The following CAB39 variants were observed in gnomAD, a reference collection of about 807,000 sequenced individuals.
The protein encoded by CAB39 is calcium-binding protein 39.
A neutral mutation model predicts 40.0 loss-of-function variants in CAB39; 8 were observed. The observed-to-expected ratio is 0.20, with a 90% CI of 0.12 to 0.36. The LOEUF (loss-of-function observed/expected upper bound fraction) is 0.36, where lower values mean the gene tolerates loss of function less well. Ranked by LOEUF, CAB39 falls within the 10% of genes least tolerant of loss-of-function variation. CAB39 has a pLI of 1.00. For synonymous variants in CAB39, 156 were observed against 141.6 expected, an observed-to-expected ratio of 1.10 and a Z score of -0.72; for missense variants, 270 against 401.1, an observed-to-expected ratio of 0.67 and a Z score of 2.79.
rs182573772 is a variant in CAB39, at chr2:230,753,508, A to C, written c.-43-6451A>C. On this transcript the variant is annotated intron_variant, in intron 1 of 8. Transcript: ENST00000258418. ...GGTGGCTCACACCTGTAATCCCAGC[A>C]CTTTGGGAGGCTGAGGTGGGTAGAT... 1.2e-4 allele frequency among the ~76,000 whole-genome samples: 19 copies of C among 152,242 alleles called. No homozygotes were observed. In the East Asian group the frequency reaches 3.7e-3, roughly 29 times the overall value.
intron 5 of CAB39, among the ~76,000 whole-genome samples, chr2:230,805,249 A>G (rs527878770): frequency 7.0e-6 from 1 of 143,198 alleles, no homozygotes; most frequent in Admixed American, 6.9e-5. Flanking sequence ...GGGGCCTGTC[A>G]TGGGGTGGCG....
rs115947770 is a variant in CAB39, at chr2:230,769,398, T to C, written c.114+9283T>C. ...TTCTAGGTAGACCAGAATGGTACTGTCAACCAACTTGACCTGATTGACATT... is the reference window on the plus strand; with the variant it reads ...TTCTAGGTAGACCAGAATGGTACTGCCAACCAACTTGACCTGATTGACATT... On this transcript the variant is annotated intron_variant, in intron 2 of 8. Transcript: ENST00000258418. Among the ~76,000 whole-genome samples, 968 of 152,286 alleles carry C rather than the reference T, an allele frequency of 6.4e-3. 5 individuals carry two copies. Among genetic ancestry groups the C allele is most frequent in the African/African-American group, 0.017 (711 of 41,558 alleles).
intron 1 of CAB39, among the ~76,000 whole-genome samples, chr2:230,748,813 G>GAAAAAAAA (rs759314442): frequency 1.3e-4 from 4 of 31,766 alleles, no homozygotes; most frequent in Admixed American, 5.2e-4. Context: ...TTTCCAAAAA[G>GAAAAAAAA]AAAAAAAAAA....
At chr2:230,737,834 T>C (rs1230190059) in intron 1 of CAB39, among the ~76,000 whole-genome samples, 1 of 152,182 alleles carries the variant, frequency 6.6e-6, no homozygotes, top group Admixed American at 6.5e-5. Flanking sequence ...AAAAGCAAGT[T>C]TTCCAGTTTG....
intron 3 of CAB39, among the ~76,000 whole-genome samples, chr2:230,791,739 G>T (rs1050958121): frequency 6.6e-6 from 1 of 152,192 alleles, no homozygotes; most frequent in Non-Finnish European, 1.5e-5. Context: ...CTCCTGCCCA[G>T]CCCTGGTAGG....
In CAB39 at chr2:230,735,793, G is replaced by A. The variant is rs550853273; in HGVS notation, c.-44+22563G>A. ...GCCTCCCAAAGTGCTGGGATTACAG[G>A]CATGAGCTACCATGCCCAACAACAA... is the stretch of plus-strand genomic sequence containing the variant. On this transcript the variant is annotated intron_variant, in intron 1 of 8. Transcript: ENST00000258418. Among the ~76,000 whole-genome samples the A allele has an allele frequency of 1.1e-4, 16 of 152,244 alleles. No homozygotes were observed. The Middle Eastern group carries it at 0.01, about 97-fold the overall frequency.
At chr2:230,754,255 G>A (rs1695141071) in intron 1 of CAB39, among the ~76,000 whole-genome samples, 1 of 152,134 alleles carries the variant, frequency 6.6e-6, no homozygotes, top group Non-Finnish European at 1.5e-5. Flanking sequence ...CACCCAGGCA[G>A]TATAGACTGT....
At chr2:230,737,497 G>T (rs73995135) in intron 1 of CAB39, among the ~76,000 whole-genome samples, 6,085 of 152,254 alleles carry the variant, frequency 0.04, 422 homozygotes, top group African/African-American at 0.14. Flanking sequence ...CATTTGGGGA[G>T]ATAGAAAAAT....
At chr2:230,769,078 C>T (rs1423423686) in intron 2 of CAB39, among the ~76,000 whole-genome samples, 1 of 152,042 alleles carries the variant, frequency 6.6e-6, no homozygotes, top group Admixed American at 6.5e-5. Flanking sequence ...ACTTTGTTAA[C>T]ACTCATAAAA....
chr2:230,718,820 C>T (rs1002513133), intron 1 of CAB39, among the ~76,000 whole-genome samples: 1 of 152,152 alleles, frequency 6.6e-6, no homozygotes, highest in Non-Finnish European at 1.5e-5. Context: ...TCACTTTGAG[C>T]AGTAACAGGT....
chr2:230,716,287 C>T (rs1301463592), intron 1 of CAB39, among the ~76,000 whole-genome samples: 1 of 152,140 alleles, frequency 6.6e-6, no homozygotes, highest in Admixed American at 6.5e-5. Flanking sequence ...CACACAGGGT[C>T]TTTATTACCT....
At chr2:230,789,938 CAA>C (rs1257458587) in intron 2 of CAB39, among the ~76,000 whole-genome samples, 1 of 152,100 alleles carries the variant, frequency 6.6e-6, no homozygotes, top group Non-Finnish European at 1.5e-5. Context: ...TCCACTGTTT[CAA>C]AGTCATTGTT....
chr2:230,738,014 A>AT (rs1694816422), intron 1 of CAB39, among the ~76,000 whole-genome samples: 1 of 152,182 alleles, frequency 6.6e-6, no homozygotes, highest in East Asian at 1.9e-4. Context: ...GCTTGACGAA[A>AT]TTACAAAGTC....
At chr2:230,745,703 G>A (rs188780137) in intron 1 of CAB39, among the ~76,000 whole-genome samples, 44 of 151,872 alleles carry the variant, frequency 2.9e-4, no homozygotes, top group African/African-American at 1.0e-3. Context: ...CTCAGCTCAC[G>A]GCAACCTCCA....
chr2:230,723,366 G>A (rs1416906367), intron 1 of CAB39, among the ~76,000 whole-genome samples: 1 of 151,118 alleles, frequency 6.6e-6, no homozygotes, highest in African/African-American at 2.4e-5. Flanking sequence ...TCTCTGCTGT[G>A]GGCTTCCTGA....
At chr2:230,783,703 T>G (rs759001112) in intron 2 of CAB39, among the ~76,000 whole-genome samples, 4 of 151,256 alleles carry the variant, frequency 2.6e-5, no homozygotes, top group Non-Finnish European at 5.9e-5. Context: ...TCTCTCACCA[T>G]GTTTTTCAGG....
intron 1 of CAB39, among the ~76,000 whole-genome samples, chr2:230,747,573 G>A (rs1330859164): frequency 6.6e-6 from 1 of 152,222 alleles, no homozygotes; most frequent in Non-Finnish European, 1.5e-5. Context: ...GGATTACAGT[G>A]GTCACAGTGG....
chr2:230,803,312 A>G (rs1294852925), intron 5 of CAB39, among the ~76,000 whole-genome samples: 3 of 152,234 alleles, frequency 2.0e-5, no homozygotes, highest in Non-Finnish European at 4.4e-5. Flanking sequence ...CTGAATGGGC[A>G]AAAACCGGAA....
intron 5 of CAB39, among the ~76,000 whole-genome samples, 155 bp from the exon 6 acceptor site, chr2:230,810,108 T>C (rs1696277977): frequency 1.3e-5 from 2 of 152,248 alleles, no homozygotes; most frequent in Admixed American, 1.3e-4. Flanking sequence ...TATTTTGCTC[T>C]TATAGAATCA....
Sources: gnomAD v4.1 joint callset for allele counts (sites outside exome capture counted in the v4.1 genomes callset) on GRCh38, gnomAD v4.1.1 for gene constraint, MANE v1.5 for transcripts, NCBI Gene and HGNC (gene_info 2026-07-23, HGNC 2026-07-21) for gene names.